Variants in SPEF2 observed in about 807,000 individuals in gnomAD.
SPEF2 encodes the protein sperm flagella and cilia-associated protein 2.
Under a neutral mutation model 224.6 loss-of-function variants are expected in SPEF2, and 187 were observed. That is an observed-to-expected ratio of 0.83 (90% CI 0.74 to 0.94). SPEF2 has a LOEUF of 0.94. SPEF2 is among the 40% of genes least tolerant of loss of function. SPEF2 has a pLI of 0.00. For synonymous variants in SPEF2, 715 were observed against 707.3 expected (o/e 1.01, Z -0.17); for missense variants, 2,170 against 2,135.6 (o/e 1.02, Z -0.32).
intron 19 of SPEF2, among the ~76,000 whole-genome samples, chr5:35,711,872 A>T (rs534975777): frequency 2.0e-5 from 3 of 152,292 alleles, no homozygotes; most frequent in Admixed American, 2.0e-4. Context: ...TTCAATTGCC[A>T]TACTGGTTCA....
chr5:35,674,375 T>A (rs1580215028), intron 10 of SPEF2, among the ~76,000 whole-genome samples: 2 of 148,904 alleles, frequency 1.3e-5, no homozygotes, highest in South Asian at 4.2e-4. Context: ...CCAAATTCTT[T>A]TTATTATTAT....
intron 21 of SPEF2, among the ~76,000 whole-genome samples, chr5:35,734,713 T>TC (rs1746260998): frequency 6.9e-6 from 1 of 144,170 alleles, no homozygotes. Flanking sequence ...TTTTTTCTTT[T>TC]TTTTTTTTTT....
At chr5:35,765,103 T>C (rs1751914531) in intron 26 of SPEF2, among the ~76,000 whole-genome samples, 1 of 152,166 alleles carries the variant, frequency 6.6e-6, no homozygotes, top group South Asian at 2.1e-4. Flanking sequence ...ACTGCCTTTT[T>C]AGGAATCATT....
Position 35,792,153 on chromosome 5 carries a change from A to G in SPEF2, c.4448-187A>G, listed in dbSNP as rs572794146. Among the ~76,000 whole-genome samples, 3 of 152,280 alleles carry G rather than the reference A, an allele frequency of 2.0e-5. No individual in the cohort carries two copies. The South Asian group carries it at 6.2e-4, about 32-fold the overall frequency. On this transcript the variant is annotated intron_variant, in intron 30 of 36. Transcript: ENST00000356031. ...GGCATTTTGACTTAGTTGAGAAACA[A>G]TAATGAGAGAGCATCAGGAAATTAT...
At chr5:35,770,169 T>G (rs1752633641) in intron 26 of SPEF2, among the ~76,000 whole-genome samples, 1 of 152,012 alleles carries the variant, frequency 6.6e-6, no homozygotes, top group Admixed American at 6.6e-5. Context: ...TATTTCTAAC[T>G]GCAAGTACAA....
chr5:35,723,598 TA>T (rs1455961429), intron 20 of SPEF2, among the ~76,000 whole-genome samples: 2 of 152,102 alleles, frequency 1.3e-5, no homozygotes, highest in South Asian at 2.1e-4. Context: ...TAAATTACAA[TA>T]AAAAACATGT....
chr5:35,766,521 T>C lies in SPEF2; in HGVS notation c.3801+2819T>C, dbSNP rs1252958974. Among the ~76,000 whole-genome samples the C allele has an allele frequency of 2.0e-5, 3 of 152,054 alleles. No individual in the cohort carries two copies. The East Asian group carries it at 5.8e-4, about 29-fold the overall frequency. On this transcript the variant is annotated intron_variant, in intron 26 of 36. Transcript: ENST00000356031. Reference sequence around the variant, plus strand: ...GACGTCCACTTTGTCACTTCTGATGTTTATTATTTGTGCTTTTCCTCTTTT... The same window carrying C: ...GACGTCCACTTTGTCACTTCTGATGCTTATTATTTGTGCTTTTCCTCTTTT...
At chr5:35,687,923 C>CA (rs1239453942) in intron 10 of SPEF2, among the ~76,000 whole-genome samples, 2 of 148,360 alleles carry the variant, frequency 1.3e-5, no homozygotes, top group African/African-American at 5.3e-5. Context: ...AAATTGCAAG[C>CA]AAAAAATTTT....
chr5:35,752,533 A>G (rs1297022176), intron 23 of SPEF2, among the ~76,000 whole-genome samples: 1 of 145,302 alleles, frequency 6.9e-6, no homozygotes, highest in African/African-American at 2.6e-5. Context: ...CTGGCCTCAA[A>G]TGATCCTCCT....
Position 35,795,771 on chromosome 5 carries a change from T to C in SPEF2, c.4806T>C (p.Phe1602=). 6.2e-7 allele frequency: 1 copy of C among 1,613,730 alleles called. No individual in the cohort carries two copies. Among genetic ancestry groups the C allele is most frequent in the Non-Finnish European group, 8.5e-7 (1 of 1,179,592 alleles). ...IPENPLEPLP[F]NRQEHLIEFF... is the part of the protein sequence containing the mutation. ...AAAATCCTCTTGAACCCCTTCCATT[T>C]AATAGGCAGGAGCATCTTATAGAGG... The change falls in exon 33 of 37, where the codon TTT becomes TTC. Residue 1602 remains phenylalanine (F), a synonymous_variant. Coordinates refer to ENST00000356031, the MANE Select transcript of SPEF2 (RefSeq NM_024867.4).
At position 35,697,700 on chromosome 5, in the gene SPEF2, G is replaced by A. The variant is rs528000853; in HGVS notation, c.2048G>A (p.Arg683His). 6.8e-6 allele frequency: 11 copies of A among 1,612,860 alleles called. No homozygotes were observed. The East Asian group carries it at 8.9e-5, about 13-fold the overall frequency. ...TGTTTATTTTCCCAGCTCACTACAC[G>A]TGCTCAGCTTGGTGCAAAATCAGAA... ...SSDSFLKLTT[R>H]AQLGAKSEQL... Residue 683 changes from arginine to histidine, a missense_variant, in exon 15 of 37, where the codon CGT (arginine) becomes CAT (histidine). Physicochemically the swap from Arg to His is conservative, Grantham distance 29. Transcript: ENST00000356031.
chr5:35,670,580 T>C lies in SPEF2; in HGVS notation c.1524+353T>C, dbSNP rs1432363475. 3.0e-6 allele frequency: 3 copies of C among 991,028 alleles called. No individual in the cohort carries two copies. In the African/African-American group the frequency reaches 5.2e-5, roughly 17 times the overall value. 61.4% of individuals were successfully genotyped at this position (991,028 alleles called of 1,614,324 possible). A position where few individuals can be genotyped will look rare whatever the true frequency, so the allele number is the denominator to read the frequency against. Reference sequence around the variant, plus strand: ...TTCAAAAACCATTGTTAAAAAGTATTTCTTTTGTAATCAATCTAAATAATA... The same window carrying C: ...TTCAAAAACCATTGTTAAAAAGTATCTCTTTTGTAATCAATCTAAATAATA... On this transcript the variant is annotated intron_variant, in intron 10 of 36. Transcript: ENST00000356031.
At chr5:35,624,635 A>G (rs1743975966) in intron 1 of SPEF2, among the ~76,000 whole-genome samples, 1 of 150,912 alleles carries the variant, frequency 6.6e-6, no homozygotes, top group Admixed American at 6.6e-5. Context: ...CTGGCTTCCT[A>G]TATGTCTTCT....
intron 20 of SPEF2, 134 bp downstream of exon 20, chr5:35,713,020 C>A: frequency 1.2e-6 from 1 of 828,504 alleles, no homozygotes; most frequent in Non-Finnish European, 1.8e-6. Flanking sequence ...AAGCCCTTGC[C>A]AAAGAATATA....
At chr5:35,666,461 G>A (rs963791751) in intron 8 of SPEF2, among the ~76,000 whole-genome samples, 1 of 147,276 alleles carries the variant, frequency 6.8e-6, no homozygotes, top group African/African-American at 2.5e-5. Flanking sequence ...TACATAAATA[G>A]ATGTTCCTAC....
chr5:35,742,879 CT>C (rs974322823), intron 23 of SPEF2, among the ~76,000 whole-genome samples: 9 of 151,716 alleles, frequency 5.9e-5, no homozygotes, highest in East Asian at 5.8e-4. Flanking sequence ...TCCTTTATAG[CT>C]TTTTTTGTGA....
intron 26 of SPEF2, among the ~76,000 whole-genome samples, chr5:35,769,202 A>G (rs1376492785): frequency 6.6e-6 from 1 of 152,128 alleles, no homozygotes; most frequent in African/African-American, 2.4e-5. Flanking sequence ...GTTGTTTACA[A>G]GGGAGAAAAA....
chr5:35,709,271 C>T (rs1009119129), intron 19 of SPEF2, 150 bp downstream of exon 19: 5 of 1,455,540 alleles, frequency 3.4e-6, no homozygotes, highest in Non-Finnish European at 4.5e-6. Context: ...TGGAAAAGCC[C>T]TCGGAGTAGC....
intron 4 of SPEF2, 27 bp from the exon 5 acceptor site, chr5:35,646,640 C>G: frequency 2.5e-6 from 4 of 1,602,264 alleles, no homozygotes; most frequent in Non-Finnish European, 3.4e-6. Context: ...TTCTGAATCA[C>G]TAAACTAATG....
Sources: gnomAD v4.1 joint callset for allele counts (sites outside exome capture counted in the v4.1 genomes callset) on GRCh38, gnomAD v4.1.1 for gene constraint, MANE v1.5 for transcripts, NCBI Gene and HGNC (gene_info 2026-07-23, HGNC 2026-07-21) for gene names.